The following NR3C2 variants were observed in gnomAD, a reference collection of about 807,000 sequenced individuals.
NR3C2 encodes the protein mineralocorticoid receptor.
Under a neutral mutation model 86.4 loss-of-function variants are expected in NR3C2, and 15 were observed. That is an observed-to-expected ratio of 0.17 (90% CI 0.12 to 0.27). The LOEUF (loss-of-function observed/expected upper bound fraction) is 0.27, where lower values mean the gene tolerates loss of function less well. Among genes scored for constraint, NR3C2 ranks in the 10% least tolerant of loss-of-function variants. The pLI is 1.00. For missense variants in NR3C2, 960 were observed against 1,195.6 expected (o/e 0.80, Z 2.91); for synonymous variants, 458 against 450.5 (o/e 1.02, Z -0.21).
intron 2 of NR3C2, among the ~76,000 whole-genome samples, chr4:148,389,744 C>T (rs1231521445): frequency 2.6e-5 from 4 of 151,494 alleles, no homozygotes; most frequent in Admixed American, 2.0e-4. Flanking sequence ...GTGATTACAC[C>T]GAGATTATCA....
At chr4:148,179,894 A>T (rs1392009649) in intron 4 of NR3C2, among the ~76,000 whole-genome samples, 1 of 151,760 alleles carries the variant, frequency 6.6e-6, no homozygotes. Context: ...CAAAAACCAC[A>T]CTTTCACTGA....
In NR3C2 at chr4:148,189,372, C is replaced by T. The variant is rs373893103; in HGVS notation, c.2014+5374G>A. Among the ~76,000 whole-genome samples the T allele has an allele frequency of 2.8e-4, 43 of 152,322 alleles. 1 individual carries two copies. Among genetic ancestry groups the T allele is most frequent in the African/African-American group, 9.9e-4 (41 of 41,574 alleles). On this transcript the variant is annotated intron_variant, in intron 4 of 8. Transcript: ENST00000358102. The stretch of plus-strand genomic sequence containing the variant: ...ACTTGCATATGTTAAAGCATCCCTG[C>T]ATGCCTGGTATGAAACCCACTTGAT...
intron 2 of NR3C2, among the ~76,000 whole-genome samples, chr4:148,389,874 G>A (rs1406065397): frequency 6.6e-6 from 1 of 152,214 alleles, no homozygotes; most frequent in East Asian, 1.9e-4. Context: ...TGAATTGTGA[G>A]ATCAAAATTC....
At chr4:148,156,697 A>G (rs552340812) in intron 4 of NR3C2, among the ~76,000 whole-genome samples, 3,761 of 152,148 alleles carry the variant, frequency 0.025, 146 homozygotes, top group African/African-American at 0.083. Flanking sequence ...ACACTTTTAC[A>G]CTGTTGGTGG....
intron 2 of NR3C2, among the ~76,000 whole-genome samples, chr4:148,378,411 G>C (rs1186964817): frequency 1.3e-5 from 2 of 151,796 alleles, no homozygotes; most frequent in Admixed American, 6.6e-5. Context: ...ACCCTGCACT[G>C]AATTGGTTTG....
chr4:148,267,598 T>C (rs1740463024), intron 2 of NR3C2, among the ~76,000 whole-genome samples: 1 of 152,196 alleles, frequency 6.6e-6, no homozygotes, highest in Admixed American at 6.5e-5. Context: ...CTGTATACAG[T>C]AAACAGAACT....
At chr4:148,233,399 G>GCCCAGA (rs1738565535) in intron 3 of NR3C2, among the ~76,000 whole-genome samples, 2 of 133,250 alleles carry the variant, frequency 1.5e-5, no homozygotes, top group African/African-American at 5.6e-5. Flanking sequence ...TCACTCTGTT[G>GCCCAGA]CCCAGACTGG....
At chr4:148,205,718 A>G (rs950364011) in intron 3 of NR3C2, among the ~76,000 whole-genome samples, 8 of 152,230 alleles carry the variant, frequency 5.3e-5, no homozygotes, top group African/African-American at 1.2e-4. Flanking sequence ...AGAACGGCAC[A>G]TGAATAAGTG....
chr4:148,374,603 T>C (rs149458375), intron 2 of NR3C2, among the ~76,000 whole-genome samples: 1 of 152,338 alleles, frequency 6.6e-6, no homozygotes, highest in East Asian at 1.9e-4. Flanking sequence ...ATAAAAGAAC[T>C]TCCTGGATGC....
chr4:148,313,979 T>C (rs1743035239), intron 2 of NR3C2, among the ~76,000 whole-genome samples: 1 of 152,222 alleles, frequency 6.6e-6, no homozygotes, highest in East Asian at 1.9e-4. Context: ...GTCTCATTTA[T>C]AGAAGCTGTA....
intron 3 of NR3C2, among the ~76,000 whole-genome samples, chr4:148,202,805 C>G (rs1459137646): frequency 6.6e-6 from 1 of 152,132 alleles, no homozygotes; most frequent in Non-Finnish European, 1.5e-5. Context: ...TCCTCTGTAT[C>G]TTGCTCCTTA....
chr4:148,151,239 AT>A (rs1364261138), intron 6 of NR3C2, among the ~76,000 whole-genome samples: 3 of 144,730 alleles, frequency 2.1e-5, no homozygotes, highest in Non-Finnish European at 4.5e-5. Flanking sequence ...CGCTGAGGGC[AT>A]TAATAGAGAT....
rs1459667078 is a variant in NR3C2 at position 148,080,741 on chromosome 4, T to TAA, written c.*601_*602dup. On this transcript the variant is annotated 3_prime_UTR_variant, in exon 9 of 9. Coordinates refer to ENST00000358102, the MANE Select transcript of NR3C2 (RefSeq NM_000901.5). Reference sequence around the variant, plus strand: ...CATCATCTTATCCATTCTAATTAAATAAGAAATGGACGCTAACGAGTGTGT... The same window carrying TAA: ...CATCATCTTATCCATTCTAATTAAATAAAAGAAATGGACGCTAACGAGTGTGT... The TAA allele has an allele frequency of 5.9e-6, 2 of 340,762 alleles. No homozygotes were observed. Among genetic ancestry groups the TAA allele is most frequent in the African/African-American group, 4.3e-5 (2 of 46,786 alleles). 21.1% of individuals were successfully genotyped at this position (340,762 alleles called of 1,614,324 possible). A position where few individuals can be genotyped will look rare whatever the true frequency, so the allele number is the denominator to read the frequency against.
At chr4:148,246,663 T>C (rs2149855148) in intron 3 of NR3C2, among the ~76,000 whole-genome samples, 1 of 152,264 alleles carries the variant, frequency 6.6e-6, no homozygotes, top group South Asian at 2.1e-4. Context: ...GCAATTCTCA[T>C]TTCTCAGCCT....
intron 2 of NR3C2, among the ~76,000 whole-genome samples, chr4:148,401,234 T>C (rs2126531991): frequency 6.6e-6 from 1 of 152,308 alleles, no homozygotes; most frequent in Non-Finnish European, 1.5e-5. Context: ...TGTGGAATCA[T>C]CCTCACATGG....
At chr4:148,409,273 T>C (rs1482046937) in intron 2 of NR3C2, among the ~76,000 whole-genome samples, 1 of 152,196 alleles carries the variant, frequency 6.6e-6, no homozygotes, top group East Asian at 1.9e-4. Context: ...TTTATTGTCT[T>C]AATTATGTCT....
At chr4:148,216,233 C>G (rs1368470338) in intron 3 of NR3C2, among the ~76,000 whole-genome samples, 3 of 152,186 alleles carry the variant, frequency 2.0e-5, no homozygotes, top group East Asian at 1.9e-4. Flanking sequence ...CCACCACCCC[C>G]CCAACCATTT....
At chr4:148,331,900 T>C (rs901369041) in intron 2 of NR3C2, among the ~76,000 whole-genome samples, 1 of 152,170 alleles carries the variant, frequency 6.6e-6, no homozygotes, top group Non-Finnish European at 1.5e-5. Context: ...TCTCACAAGG[T>C]TGAAGAGGTG....
chr4:148,333,641 C>T (rs1448919615), intron 2 of NR3C2, among the ~76,000 whole-genome samples: 1 of 151,400 alleles, frequency 6.6e-6, no homozygotes, highest in South Asian at 2.1e-4. Flanking sequence ...CTCCTAGGTT[C>T]TTCTACATGA....
Sources: gnomAD v4.1 joint callset for allele counts (sites outside exome capture counted in the v4.1 genomes callset) on GRCh38, gnomAD v4.1.1 for gene constraint, MANE v1.5 for transcripts, NCBI Gene and HGNC (gene_info 2026-07-23, HGNC 2026-07-21) for gene names.